Variants in SORCS1 observed in about 807,000 individuals in gnomAD.
SORCS1 encodes the protein VPS10 domain-containing receptor SorCS1.
A neutral mutation model predicts 146.1 loss-of-function variants in SORCS1; 60 were observed. The ratio of observed to expected loss-of-function variants is 0.41; its 90% confidence interval spans 0.33 to 0.51. The LOEUF is 0.51. SORCS1 is among the 20% of genes least tolerant of loss of function. The pLI, the probability that SORCS1 is intolerant of heterozygous loss-of-function variation, is 0.21. For missense variants in SORCS1, 1,352 were observed against 1,487.6 expected, an observed-to-expected ratio of 0.91 and a Z score of 1.50; for synonymous variants, 637 against 584.0, an observed-to-expected ratio of 1.09 and a Z score of -1.31.
At chr10:107,144,097 C>G (rs993804437) in intron 1 of SORCS1, among the ~76,000 whole-genome samples, 2 of 152,130 alleles carry the variant, frequency 1.3e-5, no homozygotes, top group African/African-American at 2.4e-5. Flanking sequence ...CCCCTTAGAG[C>G]TTGCTTGTCT....
chr10:106,620,334 C>G lies in SORCS1; in HGVS notation c.2796+94G>C, dbSNP rs948233423. On this transcript the variant is annotated intron_variant, in intron 20 of 25. Transcript: ENST00000263054. ...CCTTGAAGCTACAACTGCTTCTACA[C>G]TCTAGGGTTCATAAGCCATTTCATT... The G allele has an allele frequency of 1.8e-5, 27 of 1,508,756 alleles. No individual in the cohort carries two copies. The Middle Eastern group carries it at 2.0e-3, about 110-fold the overall frequency. The allele number at this position is 1,508,756 out of a possible 1,614,324, so 93.5% of individuals were successfully genotyped here.
rs577263283 is a variant in SORCS1, at chr10:107,005,312, C to A, written c.559-48732G>T. Among the ~76,000 whole-genome samples the A allele has an allele frequency of 1.5e-3, 203 of 135,120 alleles. 1 individual carries two copies. The highest frequency in any genetic ancestry group is 5.5e-3 in the African/African-American group (191 of 34,730). The allele number at this position is 135,120 out of a possible 152,430, so 88.6% of individuals were successfully genotyped here. A position where few individuals can be genotyped will look rare whatever the true frequency, so the allele number is the denominator to read the frequency against. On this transcript the variant is annotated intron_variant, in intron 1 of 25. Transcript: ENST00000263054. ...GTATTCCAGGCTGGGTGAGACAGAACGAGACTTTGTCTCTTTCGGGGGCGG... is the reference window on the plus strand; with the variant it reads ...GTATTCCAGGCTGGGTGAGACAGAAAGAGACTTTGTCTCTTTCGGGGGCGG...
intron 1 of SORCS1, among the ~76,000 whole-genome samples, chr10:107,024,173 CAAAA>C (rs60404386): frequency 0.071 from 6,721 of 94,586 alleles, 423 homozygotes; most frequent in African/African-American, 0.19. Context: ...GATTCCATCT[CAAAA>C]AAAAAAAAAA....
At position 106,575,909 on chromosome 10, in the gene SORCS1, C is replaced by G. The variant is rs577060972; in HGVS notation, c.*1511G>C. 1.3e-5 allele frequency: 2 copies of G among 152,746 alleles called. No homozygotes were observed. Among genetic ancestry groups the G allele is most frequent in the East Asian group, 3.9e-4 (2 of 5,180 alleles). The allele number at this position is 152,746 out of a possible 1,614,324, so 9.5% of individuals were successfully genotyped here. A position where few individuals can be genotyped will look rare whatever the true frequency, so the allele number is the denominator to read the frequency against. ...GAGTGGAAATACCAGGTAACAGCAA[C>G]CGTCACAGGAGGAAATTGCCCTGCG... On this transcript the variant is annotated 3_prime_UTR_variant, in exon 26 of 26. Transcript: ENST00000263054.
In SORCS1 at chr10:107,060,020, C is replaced by T. The variant is rs1961028350; in HGVS notation, c.559-103440G>A. Among the ~76,000 whole-genome samples, 1 of 152,096 alleles carries T rather than the reference C, an allele frequency of 6.6e-6. No homozygotes were observed. Among genetic ancestry groups the T allele is most frequent in the East Asian group, 1.9e-4 (1 of 5,184 alleles). On this transcript the variant is annotated intron_variant, in intron 1 of 25. Coordinates refer to ENST00000263054, the MANE Select transcript of SORCS1 (RefSeq NM_052918.5). This position sits in a 1 kb window ranked among gnomAD's most constrained non-coding sequence, Gnocchi z 4.1. Reference sequence around the variant, plus strand: ...GTCAAAGAATGCTTCTGACAGATGACACAGTGGTCTTTAATCTACCATGTG... The same window carrying T: ...GTCAAAGAATGCTTCTGACAGATGATACAGTGGTCTTTAATCTACCATGTG...
intron 16 of SORCS1, among the ~76,000 whole-genome samples, chr10:106,668,833 G>C (rs1181568715): frequency 6.6e-6 from 1 of 152,116 alleles, no homozygotes. Flanking sequence ...TGCTGGAGAG[G>C]GACAGGCAAG....
intron 4 of SORCS1, among the ~76,000 whole-genome samples, chr10:106,767,184 A>T (rs558522238): frequency 6.6e-6 from 1 of 152,202 alleles, no homozygotes; most frequent in African/African-American, 2.4e-5. Context: ...GGCTTTGCTG[A>T]TGAAGGCTGG....
intron 2 of SORCS1, among the ~76,000 whole-genome samples, chr10:106,902,501 T>G (rs1411994226): frequency 6.6e-6 from 1 of 152,148 alleles, no homozygotes; most frequent in Non-Finnish European, 1.5e-5. Context: ...AAAAATGGCA[T>G]GAGAAAATAA....
At chr10:106,809,183 C>T (rs914006996) in intron 3 of SORCS1, among the ~76,000 whole-genome samples, 7 of 149,754 alleles carry the variant, frequency 4.7e-5, no homozygotes, top group African/African-American at 7.4e-5. Context: ...GGGGGAGGGG[C>T]GAGAATGGGG....
chr10:106,760,216 G>T (rs1305201720), intron 5 of SORCS1, among the ~76,000 whole-genome samples: 1 of 151,944 alleles, frequency 6.6e-6, no homozygotes, highest in Admixed American at 6.6e-5. Flanking sequence ...AGGCCGAGGT[G>T]GGGGGATCTT....
chr10:106,813,607 T>G lies in SORCS1; in HGVS notation c.726+15967A>C, dbSNP rs546159232. Among the ~76,000 whole-genome samples, 189 of 152,226 alleles carry G rather than the reference T, an allele frequency of 1.2e-3. 2 individuals carry two copies. The highest frequency in any genetic ancestry group is 4.3e-3 in the African/African-American group (179 of 41,522). ...CATGACATCTCCCTGCCATTGAAAA[T>G]CTATCTTGATTATTGTTGGCAACTC... On this transcript the variant is annotated intron_variant, in intron 3 of 25. Transcript: ENST00000263054.
chr10:106,578,849 T>C (rs1844721868), intron 25 of SORCS1: 13 of 1,368,126 alleles, frequency 9.5e-6, no homozygotes, highest in Non-Finnish European at 1.2e-5. Flanking sequence ...CCCAATATTT[T>C]AGGGAGGGTT....
At chr10:106,873,089 A>C (rs1026960890) in intron 2 of SORCS1, among the ~76,000 whole-genome samples, 22 of 151,986 alleles carry the variant, frequency 1.4e-4, no homozygotes, top group Non-Finnish European at 1.8e-4. Flanking sequence ...CAGGAGAATC[A>C]CTTGAACCCA....
At chr10:106,612,952 A>C (rs574582811) in intron 21 of SORCS1, among the ~76,000 whole-genome samples, 112 of 152,156 alleles carry the variant, frequency 7.4e-4, no homozygotes, top group African/African-American at 2.6e-3. Context: ...TTCAAGCTCT[A>C]GTTGAAGCAC....
At chr10:107,043,541 T>C (rs1385074626) in intron 1 of SORCS1, among the ~76,000 whole-genome samples, 1 of 152,186 alleles carries the variant, frequency 6.6e-6, no homozygotes, top group Non-Finnish European at 1.5e-5. Flanking sequence ...TAACATTATT[T>C]AACAAGTTAA....
chr10:106,612,121 C>A, intron 21 of SORCS1, 98 bp from the exon 22 acceptor site: 1 of 866,992 alleles, frequency 1.2e-6, no homozygotes, highest in Non-Finnish European at 1.8e-6. Flanking sequence ...GGTCCTTCCC[C>A]TTCACTTACC....
chr10:106,902,873 T>C (rs1306162809), intron 2 of SORCS1, among the ~76,000 whole-genome samples: 3 of 152,118 alleles, frequency 2.0e-5, no homozygotes, highest in Non-Finnish European at 4.4e-5. Flanking sequence ...GGTCAGGAGA[T>C]TGAGATCATC....
Position 106,685,135 on chromosome 10 carries a change from C to T in SORCS1, c.1560+3057G>A, listed in dbSNP as rs545618858. ...TTTGGGTTCCACTTGAGCCCACGAGCTTCAGAAGGTAGAAAATGTGACAAA... is the reference window on the plus strand; with the variant it reads ...TTTGGGTTCCACTTGAGCCCACGAGTTTCAGAAGGTAGAAAATGTGACAAA... On this transcript the variant is annotated intron_variant, in intron 10 of 25. Transcript: ENST00000263054. Among the ~76,000 whole-genome samples the T allele has an allele frequency of 8.1e-4, 123 of 152,310 alleles. No homozygotes were observed. In the South Asian group the frequency reaches 0.025, roughly 31 times the overall value.
At chr10:106,675,266 A>AT (rs1851939897) in intron 13 of SORCS1, 110 bp from the exon 14 acceptor site, 1 of 784,836 alleles carries the variant, frequency 1.3e-6, no homozygotes, top group Non-Finnish European at 2.0e-6. Flanking sequence ...AGTAGCTGAG[A>AT]TTTTGTCAAA....
Sources: gnomAD v4.1 joint callset for allele counts (sites outside exome capture counted in the v4.1 genomes callset) on GRCh38, gnomAD v4.1.1 for gene constraint, Gnocchi (gnomAD v3.1) non-coding constraint, MANE v1.5 for transcripts, NCBI Gene and HGNC (gene_info 2026-07-23, HGNC 2026-07-21) for gene names.